Variants in NLRP2 observed in about 807,000 individuals in gnomAD.
The protein encoded by NLRP2 is NACHT, LRR and PYD domains-containing protein 2.
A neutral mutation model predicts 97.2 loss-of-function variants in NLRP2; 107 were observed. The observed-to-expected ratio is 1.10, with a 90% CI of 0.94 to 1.29. The LOEUF (loss-of-function observed/expected upper bound fraction) is 1.29. Among genes scored for constraint, NLRP2 ranks in the 50% most tolerant of loss-of-function variants. The probability of loss-of-function intolerance (pLI) is 0.00; values close to 1 mark genes in which losing one functional copy is unlikely to be tolerated. For missense variants in NLRP2, 1,495 were observed against 1,330.3 expected, an observed-to-expected ratio of 1.12 and a Z score of -1.93; for synonymous variants, 663 against 551.5, an observed-to-expected ratio of 1.20 and a Z score of -2.83.
At position 54,983,136 on chromosome 19, in the gene NLRP2, C is replaced by T. The variant is rs1429726249; in HGVS notation, c.1438C>T (p.Leu480Phe). The change falls in exon 6 of 13, where the codon CTC (leucine) becomes TTC (phenylalanine). Residue 480 changes from leucine to phenylalanine, a missense_variant. Coordinates refer to ENST00000448584, the MANE Select transcript of NLRP2 (RefSeq NM_017852.5). ...LERLGVQESD[L>F]RLFLDGDILR... Reference sequence around the variant, plus strand: ...AAGGCTCGGGGTGCAGGAGTCCGACCTCCGTCTGTTCCTGGACGGAGACAT... The same window carrying T: ...AAGGCTCGGGGTGCAGGAGTCCGACTTCCGTCTGTTCCTGGACGGAGACAT... 6.2e-7 allele frequency: 1 copy of T among 1,613,850 alleles called. No homozygotes were observed. The highest frequency in any genetic ancestry group is 2.2e-5 in the East Asian group (1 of 44,866).
intron 2 of NLRP2, among the ~76,000 whole-genome samples, chr19:54,971,710 C>T (rs1258364849): frequency 2.0e-5 from 3 of 152,020 alleles, no homozygotes; most frequent in South Asian, 2.1e-4. Flanking sequence ...CTATTTCTAT[C>T]GCTTTCAGGT....
chr19:54,977,890 G>C, intron 4 of NLRP2, 67 bp downstream of exon 4: 1 of 1,422,168 alleles, frequency 7.0e-7, no homozygotes, highest in Non-Finnish European at 9.9e-7. Flanking sequence ...GCTATCTCCT[G>C]TTCCTTTGAA....
In NLRP2 at chr19:54,986,266, G is replaced by A. The variant is rs781161777; in HGVS notation, c.2317G>A (p.Ala773Thr). Reference sequence around the variant, plus strand: ...CAATGACCAGGATGATATGTTTCCCGCATTGTGTGAGGTCTTGAGACATCC... The same window carrying A: ...CAATGACCAGGATGATATGTTTCCCACATTGTGTGAGGTCTTGAGACATCC... ...QGNDQDDMFPALCEVLRHPEC... is the reference protein window; with the variant it reads ...QGNDQDDMFPTLCEVLRHPEC... The change falls in exon 8 of 13, where the codon GCA becomes ACA. Residue 773 changes from alanine to threonine, a missense_variant. Physicochemically the swap from Ala to Thr is moderately conservative, Grantham distance 58. Coordinates refer to ENST00000448584, the MANE Select transcript of NLRP2 (RefSeq NM_017852.5). The A allele has an allele frequency of 2.6e-5, 42 of 1,613,816 alleles. No homozygotes were observed. Among genetic ancestry groups the A allele is most frequent in the South Asian group, 2.3e-4 (21 of 91,082 alleles).
chr19:54,989,842 GGCATGTTGGT>G (rs1309890562), intron 8 of NLRP2, 170 bp from the exon 9 acceptor site: 1 of 650,160 alleles, frequency 1.5e-6, no homozygotes, highest in Non-Finnish European at 2.7e-6. Context: ...AAATTAGCTG[GGCATGTTGGT>G]GCATGGTGCA....
intron 12 of NLRP2, among the ~76,000 whole-genome samples, chr19:54,999,570 G>A (rs1334638398): frequency 6.6e-6 from 1 of 152,058 alleles, no homozygotes; most frequent in Non-Finnish European, 1.5e-5. Context: ...TCCATTTTCT[G>A]TGTATGATAA....
chr19:54,980,231 C>T (rs1178032093), intron 4 of NLRP2, among the ~76,000 whole-genome samples: 2 of 151,094 alleles, frequency 1.3e-5, no homozygotes, highest in South Asian at 2.1e-4. Flanking sequence ...GACAGTCTTG[C>T]TCTGTCACCC....
intron 6 of NLRP2, 118 bp from the exon 7 acceptor site, chr19:54,984,929 T>C (rs746433393): frequency 4.5e-5 from 42 of 941,240 alleles, no homozygotes; most frequent in Non-Finnish European, 6.4e-5. Flanking sequence ...AATAAGTGAT[T>C]ACATGGTCCA....
intron 2 of NLRP2, 118 bp from the exon 3 acceptor site, chr19:54,974,382 G>A: frequency 1.2e-6 from 1 of 802,008 alleles, no homozygotes. Context: ...TGAACTGGAA[G>A]GAGATAAGAG....
intron 8 of NLRP2, among the ~76,000 whole-genome samples, chr19:54,989,217 A>G (rs942630373): frequency 2.7e-5 from 4 of 150,214 alleles, no homozygotes. Context: ...CGGCCTCCCA[A>G]AGTGCTGGGA....
chr19:54,998,611 CTTT>C (rs375510249), intron 12 of NLRP2, among the ~76,000 whole-genome samples: 39 of 42,210 alleles, frequency 9.2e-4, no homozygotes, highest in African/African-American at 2.3e-3. Flanking sequence ...CATCTTTTTT[CTTT>C]TTTTTTTTTT....
In NLRP2 at chr19:54,985,069, C is replaced by T. The variant is rs2071960198; in HGVS notation, c.2053C>T (p.Leu685Phe). Residue 685 changes from leucine to phenylalanine, a missense_variant, in exon 7 of 13, where the codon CTT (leucine) becomes TTT (phenylalanine). Leu to Phe is a conservative substitution (Grantham distance 22, BLOSUM62 0). Coordinates refer to ENST00000448584, the MANE Select transcript of NLRP2 (RefSeq NM_017852.5). ...VERSQDDQHM[L>F]PFWTDLCSIF... is the part of the protein sequence containing the mutation. ...TAGATCCCAGGATGATCAGCACATGCTTCCTTTCTGGACGGACCTTTGTTC... is the reference window on the plus strand; with the variant it reads ...TAGATCCCAGGATGATCAGCACATGTTTCCTTTCTGGACGGACCTTTGTTC... 12 of 1,614,104 alleles carry T rather than the reference C, an allele frequency of 7.4e-6. No homozygotes were observed. The East Asian group carries it at 2.7e-4, about 36-fold the overall frequency.
chr19:54,984,436 C>A (rs1259715063), intron 6 of NLRP2, among the ~76,000 whole-genome samples: 2 of 140,916 alleles, frequency 1.4e-5, no homozygotes, highest in Non-Finnish European at 3.0e-5. Context: ...TACCACACGC[C>A]CTGCCTGAAT....
At chr19:54,993,103 C>T (rs2072593713) in intron 10 of NLRP2, 1 of 151,156 alleles carries the variant, frequency 6.6e-6, no homozygotes, top group African/African-American at 2.4e-5. Context: ...CCTGTAATCC[C>T]AGCTTACTTG....
At chr19:54,974,350 A>G (rs944501255) in intron 2 of NLRP2, 150 bp from the exon 3 acceptor site, 5 of 731,100 alleles carry the variant, frequency 6.8e-6, no homozygotes, top group Non-Finnish European at 1.2e-5. Context: ...CTCTGTCTCA[A>G]AAAAAAAAGA....
At chr19:54,970,833 T>A (rs1219943382) in intron 2 of NLRP2, among the ~76,000 whole-genome samples, 9 of 149,128 alleles carry the variant, frequency 6.0e-5, no homozygotes, top group Admixed American at 2.7e-4. Context: ...TTATTTTTTT[T>A]ATTATACTTT....
intron 9 of NLRP2, 109 bp downstream of exon 9, chr19:54,990,301 C>G: frequency 4.1e-6 from 5 of 1,232,100 alleles, no homozygotes; most frequent in African/African-American, 1.5e-5. Flanking sequence ...ATGTGAACAC[C>G]TGTTCCCATG....
At chr19:54,990,417 T>C in intron 9 of NLRP2, 85 bp from the exon 10 acceptor site, 1 of 1,423,392 alleles carries the variant, frequency 7.0e-7, no homozygotes. Context: ...AAGAAGGGGC[T>C]TTTGGATGCT....
chr19:54,976,553 G>A (rs1403229753), intron 3 of NLRP2, among the ~76,000 whole-genome samples: 2 of 151,990 alleles, frequency 1.3e-5, no homozygotes, highest in Non-Finnish European at 2.9e-5. Context: ...CACCATGTTG[G>A]CCAGGCTGGT....
In NLRP2 at chr19:54,970,261, G is replaced by C; in HGVS notation, c.246G>C (p.Met82Ile). The C allele has an allele frequency of 6.2e-7, 1 of 1,614,196 alleles. No homozygotes were observed. Among genetic ancestry groups the C allele is most frequent in the Non-Finnish European group, 8.5e-7 (1 of 1,180,040 alleles). ...SLQVFEKMHR[M>I]DLSERAKDEV... ...AGGTCTTTGAAAAGATGCACCGAAT[G>C]GATCTGTCTGAGAGAGCAAAGGATG... The change falls in exon 2 of 13, where the codon ATG (methionine) becomes ATC (isoleucine). Residue 82 changes from methionine (M) to isoleucine (I), a missense_variant. Coordinates refer to ENST00000448584, the MANE Select transcript of NLRP2 (RefSeq NM_017852.5).
Sources: allele counts gnomAD v4.1 joint callset (sites outside exome capture counted in the v4.1 genomes callset), GRCh38; gene constraint gnomAD v4.1.1; transcripts MANE v1.5; gene names NCBI Gene and HGNC (gene_info 2026-07-23, HGNC 2026-07-21).